STK33: variants seen among roughly 807,000 people sequenced by gnomAD.
STK33 encodes the protein serine/threonine-protein kinase 33.
A neutral mutation model predicts 58.0 loss-of-function variants in STK33; 52 were observed. The observed-to-expected ratio is 0.90, with a 90% CI of 0.72 to 1.13. STK33 has a LOEUF of 1.13. Among genes scored for constraint, STK33 ranks in the 50% most tolerant of loss-of-function variants. The probability of loss-of-function intolerance (pLI) is 0.00; values close to 1 mark genes in which losing one functional copy is unlikely to be tolerated. For missense variants in STK33, 630 were observed against 604.2 expected, an observed-to-expected ratio of 1.04 and a Z score of -0.45; for synonymous variants, 215 against 200.1, an observed-to-expected ratio of 1.07 and a Z score of -0.63.
chr11:8,559,565 C>T (rs1956986334), intron 1 of STK33, among the ~76,000 whole-genome samples: 1 of 152,176 alleles, frequency 6.6e-6, no homozygotes, highest in Admixed American at 6.6e-5. Context: ...GTTGAACAAA[C>T]ATTAGTTGAA....
intron 12 of STK33, among the ~76,000 whole-genome samples, chr11:8,437,503 A>G (rs937696163): frequency 1.3e-5 from 2 of 152,170 alleles, no homozygotes; most frequent in Non-Finnish European, 2.9e-5. Flanking sequence ...CTATTCTTCA[A>G]CTCTCAGGAA....
chr11:8,419,149 C>G (rs1316157302), intron 14 of STK33, among the ~76,000 whole-genome samples: 2 of 152,136 alleles, frequency 1.3e-5, no homozygotes, highest in Admixed American at 6.6e-5. Flanking sequence ...CTCATGAAAT[C>G]TTTGCCGGTA....
intron 14 of STK33, among the ~76,000 whole-genome samples, chr11:8,425,970 G>A (rs1031020946): frequency 6.6e-6 from 1 of 152,082 alleles, no homozygotes; most frequent in African/African-American, 2.4e-5. Flanking sequence ...AAGCCCCAGT[G>A]GGTGTGTGTT....
chr11:8,359,120 G>A, the STK33 span, among the ~76,000 whole-genome samples: 589 of 152,314 alleles, frequency 3.9e-3, 2 homozygotes, highest in African/African-American at 0.014. Context: ...GGAAAGACCA[G>A]GCACTATCCC....
intron 11 of STK33, among the ~76,000 whole-genome samples, chr11:8,441,821 TG>T (rs1362946940): frequency 3.3e-5 from 5 of 152,212 alleles, no homozygotes; most frequent in African/African-American, 1.2e-4. Context: ...TTTATACTTT[TG>T]CATAAATTGT....
chr11:8,411,733 C>T (rs571713957), intron 15 of STK33, among the ~76,000 whole-genome samples: 1 of 152,262 alleles, frequency 6.6e-6, no homozygotes, highest in Admixed American at 6.5e-5. Context: ...CACGGCCCAG[C>T]CTTTTTCCAT....
chr11:8,424,725 TTC>T (rs1942465679), intron 14 of STK33, among the ~76,000 whole-genome samples: 1 of 146,694 alleles, frequency 6.8e-6, no homozygotes, highest in South Asian at 2.2e-4. Context: ...TGATTCACAT[TTC>T]TCTGATGGCC....
At chr11:8,587,339 T>G (rs1314566526) in intron 1 of STK33, among the ~76,000 whole-genome samples, 1 of 152,188 alleles carries the variant, frequency 6.6e-6, no homozygotes, top group Non-Finnish European at 1.5e-5. Flanking sequence ...CTTTTCAGAA[T>G]TCTGGGAAAT....
the STK33 span, among the ~76,000 whole-genome samples, chr11:8,349,923 ATC>A: frequency 6.6e-6 from 1 of 152,198 alleles, no homozygotes. Context: ...TCATCTCAGG[ATC>A]TGTTTCAGAG....
intron 1 of STK33, among the ~76,000 whole-genome samples, chr11:8,524,498 T>C (rs1348483021): frequency 6.6e-6 from 1 of 152,088 alleles, no homozygotes; most frequent in Non-Finnish European, 1.5e-5. Context: ...GACATACAAA[T>C]AGCCTACAAT....
In STK33 at chr11:8,549,442, T is replaced by C. The variant is rs570380709; in HGVS notation, c.-466+44641A>G. On this transcript the variant is annotated intron_variant, in intron 1 of 15. Transcript: ENST00000687296. ...ATTGGCCTGTAGTTTTCTGTTTTTGTTTTTTTTTTCTTTTTTGTTATGGCT... is the reference window on the plus strand; with the variant it reads ...ATTGGCCTGTAGTTTTCTGTTTTTGCTTTTTTTTTCTTTTTTGTTATGGCT... Among the ~76,000 whole-genome samples the C allele has an allele frequency of 1.0e-4, 15 of 147,460 alleles. No homozygotes were observed. In the East Asian group the frequency reaches 2.9e-3, roughly 29 times the overall value.
At chr11:8,373,814 C>T in the STK33 span, among the ~76,000 whole-genome samples, 1 of 152,152 alleles carries the variant, frequency 6.6e-6, no homozygotes, top group African/African-American at 2.4e-5. Flanking sequence ...CTTCTGGGGG[C>T]CTCCCTGGAA....
intron 14 of STK33, among the ~76,000 whole-genome samples, chr11:8,422,173 C>T (rs1015541888): frequency 5.9e-5 from 9 of 152,050 alleles, no homozygotes; most frequent in African/African-American, 2.2e-4. Context: ...TCTTTTTAAT[C>T]ATGAATACAT....
chr11:8,385,779 CTT>C, the STK33 span, among the ~76,000 whole-genome samples: 7 of 143,598 alleles, frequency 4.9e-5, no homozygotes, highest in South Asian at 2.2e-4. Context: ...AATCCAGTTC[CTT>C]TTTTTTTTTT....
At chr11:8,343,618 G>A in the STK33 span, among the ~76,000 whole-genome samples, 2 of 152,210 alleles carry the variant, frequency 1.3e-5, no homozygotes, top group African/African-American at 2.4e-5. Flanking sequence ...CTGCAGAGAT[G>A]CATTCGCGCC....
chr11:8,552,098 T>C (rs1956338975), intron 1 of STK33, among the ~76,000 whole-genome samples: 1 of 152,196 alleles, frequency 6.6e-6, no homozygotes, highest in African/African-American at 2.4e-5. Flanking sequence ...TCACAAAGAT[T>C]CCAGACCAGT....
chr11:8,516,700 T>C (rs7924477), intron 1 of STK33, among the ~76,000 whole-genome samples: 39,794 of 152,162 alleles, frequency 0.26, 5,359 homozygotes, highest in South Asian at 0.32. Context: ...GTGCCTGGCT[T>C]GGCGGGTCTC....
chr11:8,373,622 G>A, the STK33 span, among the ~76,000 whole-genome samples: 1 of 152,146 alleles, frequency 6.6e-6, no homozygotes, highest in East Asian at 1.9e-4. Flanking sequence ...TGGCTCTACT[G>A]GTCCTCAGCG....
At chr11:8,376,184 G>A in the STK33 span, among the ~76,000 whole-genome samples, 2 of 152,228 alleles carry the variant, frequency 1.3e-5, no homozygotes, top group African/African-American at 4.8e-5. Flanking sequence ...CAAGGCTCTG[G>A]GAAACAGGGA....
Sources: allele counts gnomAD v4.1 joint callset (sites outside exome capture counted in the v4.1 genomes callset), GRCh38; gene constraint gnomAD v4.1.1; transcripts MANE v1.5; gene names NCBI Gene and HGNC (gene_info 2026-07-23, HGNC 2026-07-21).